Variants in CTNNA2 observed in about 807,000 individuals in gnomAD.
CTNNA2 encodes the protein catenin alpha-2.
In CTNNA2, 42 loss-of-function variants were observed where a neutral mutation model predicts 101.0. The observed-to-expected ratio is 0.42, with a 90% CI of 0.32 to 0.54. The LOEUF (loss-of-function observed/expected upper bound fraction) is 0.54. Among genes scored for constraint, CTNNA2 ranks in the 20% least tolerant of loss-of-function variants. CTNNA2 has a pLI of 0.14. For missense variants in CTNNA2, 871 were observed against 1,223.1 expected, an observed-to-expected ratio of 0.71 and a Z score of 4.29; for synonymous variants, 450 against 456.4, an observed-to-expected ratio of 0.99 and a Z score of 0.18.
At chr2:79,212,640 G>A (rs543727143) in intron 2 of CTNNA2, among the ~76,000 whole-genome samples, 17 of 152,262 alleles carry the variant, frequency 1.1e-4, no homozygotes, top group East Asian at 9.7e-4. Context: ...ATCGGACTGC[G>A]TAGAGGTGGG....
intron 11 of CTNNA2, among the ~76,000 whole-genome samples, chr2:80,554,585 A>AGG (rs1368655692): frequency 7.2e-5 from 11 of 152,268 alleles, no homozygotes; most frequent in Middle Eastern, 3.4e-3. Context: ...GGGTAGAAAG[A>AGG]GGGAGGGATC....
chr2:79,715,097 C>T (rs968870740), intron 2 of CTNNA2, among the ~76,000 whole-genome samples: 1 of 146,192 alleles, frequency 6.8e-6, no homozygotes, highest in African/African-American at 2.6e-5. Flanking sequence ...ATCCCAGGTA[C>T]TTGGGAGGCT....
At chr2:80,481,614 C>T (rs1686148818) in intron 9 of CTNNA2, among the ~76,000 whole-genome samples, 1 of 151,962 alleles carries the variant, frequency 6.6e-6, no homozygotes, top group Non-Finnish European at 1.5e-5. Flanking sequence ...CTTATTGGAC[C>T]CTCACCAGTC....
intron 4 of CTNNA2, among the ~76,000 whole-genome samples, chr2:79,503,174 T>A (rs1230411910): frequency 6.7e-6 from 1 of 148,940 alleles, no homozygotes; most frequent in Non-Finnish European, 1.5e-5. Context: ...AGCACCAACA[T>A]TTTTTTTATT....
chr2:80,381,803 A>G (rs1043514377), intron 7 of CTNNA2, among the ~76,000 whole-genome samples: 1 of 152,160 alleles, frequency 6.6e-6, no homozygotes, highest in Non-Finnish European at 1.5e-5. Flanking sequence ...TCCTTGTTCC[A>G]TTAAGGGTTC....
intron 3 of CTNNA2, among the ~76,000 whole-genome samples, chr2:79,760,688 C>A (rs1672730746): frequency 6.6e-6 from 1 of 152,184 alleles, no homozygotes. Flanking sequence ...AATAAACTAA[C>A]CATCACAATA....
At chr2:80,194,018 A>G (rs1017508366) in intron 7 of CTNNA2, among the ~76,000 whole-genome samples, 1 of 152,196 alleles carries the variant, frequency 6.6e-6, no homozygotes, top group African/African-American at 2.4e-5. Flanking sequence ...CACCTCTGGA[A>G]AATTACATTG....
intron 18 of CTNNA2, among the ~76,000 whole-genome samples, chr2:80,622,045 T>C (rs753170051): frequency 1.3e-5 from 2 of 151,942 alleles, no homozygotes; most frequent in Admixed American, 6.6e-5. Context: ...GCTGAAGATA[T>C]ATCTTGTGTT....
At chr2:80,574,879 G>A (rs960016444) in intron 13 of CTNNA2, among the ~76,000 whole-genome samples, 3 of 152,024 alleles carry the variant, frequency 2.0e-5, no homozygotes, top group Non-Finnish European at 4.4e-5. Flanking sequence ...CTTCCAAAAT[G>A]TTGTCTAAAT....
chr2:79,644,291 G>T lies in CTNNA2; in HGVS notation c.-5-7261G>T, dbSNP rs543833118. 3.0e-4 allele frequency among the ~76,000 whole-genome samples: 46 copies of T among 152,198 alleles called. No homozygotes were observed. In the South Asian group the frequency reaches 3.9e-3, roughly 13 times the overall value. ...CTGACCTTGTGATCCTCCCAGCTCG[G>T]TCTCCCAAAGTGCTGGGATTACAGG... On this transcript the variant is annotated intron_variant, in intron 1 of 18. Transcript: ENST00000402739.
intron 7 of CTNNA2, among the ~76,000 whole-genome samples, chr2:79,966,623 A>C (rs545807874): frequency 1.3e-5 from 2 of 152,140 alleles, no homozygotes; most frequent in Non-Finnish European, 2.9e-5. Context: ...GAAGGAAAAA[A>C]GCTGGGAAGA....
intron 7 of CTNNA2, among the ~76,000 whole-genome samples, chr2:80,373,453 G>A (rs1675640222): frequency 6.6e-6 from 1 of 152,092 alleles, no homozygotes; most frequent in African/African-American, 2.4e-5. Context: ...AATACTTCAA[G>A]TTTCTTAATC....
chr2:80,626,961 G>A (rs934342636), intron 18 of CTNNA2, among the ~76,000 whole-genome samples: 1 of 152,064 alleles, frequency 6.6e-6, no homozygotes, highest in African/African-American at 2.4e-5. Context: ...AGAATGTGCG[G>A]TGTTTGGTTT....
chr2:79,507,559 A>G (rs1362668843), intron 5 of CTNNA2, among the ~76,000 whole-genome samples: 2 of 152,160 alleles, frequency 1.3e-5, no homozygotes, highest in Non-Finnish European at 2.9e-5. Context: ...TTACAGAACC[A>G]TGAGCCAAAT....
At chr2:80,391,518 A>G (rs1025784644) in intron 7 of CTNNA2, among the ~76,000 whole-genome samples, 2 of 152,248 alleles carry the variant, frequency 1.3e-5, no homozygotes, top group African/African-American at 4.8e-5. Flanking sequence ...TAATAAATGA[A>G]TAGGCCACAG....
intron 2 of CTNNA2, among the ~76,000 whole-genome samples, chr2:79,217,138 G>A (rs1309700518): frequency 1.3e-5 from 2 of 152,190 alleles, no homozygotes; most frequent in African/African-American, 2.4e-5. Context: ...GGTTGGAGAA[G>A]AGAGTAAGAA....
At chr2:79,378,966 G>A (rs1370719186) in intron 4 of CTNNA2, among the ~76,000 whole-genome samples, 1 of 152,120 alleles carries the variant, frequency 6.6e-6, no homozygotes, top group Non-Finnish European at 1.5e-5. Context: ...AGGTGGACTA[G>A]ATAGCACATC....
intron 7 of CTNNA2, among the ~76,000 whole-genome samples, chr2:80,320,612 A>C (rs1678586153): frequency 6.6e-6 from 1 of 152,142 alleles, no homozygotes; most frequent in African/African-American, 2.4e-5. Flanking sequence ...GCAACCTTAA[A>C]AATTTACTTG....
chr2:80,608,379 T>A (rs1016104383), intron 17 of CTNNA2, 61 bp downstream of exon 17: 4 of 1,568,448 alleles, frequency 2.6e-6, no homozygotes, highest in Non-Finnish European at 3.5e-6. Flanking sequence ...AAGGCAAACA[T>A]TCTTGGCAAC....
Sources: gnomAD v4.1 joint callset for allele counts (sites outside exome capture counted in the v4.1 genomes callset) on GRCh38, gnomAD v4.1.1 for gene constraint, MANE v1.5 for transcripts, NCBI Gene and HGNC (gene_info 2026-07-23, HGNC 2026-07-21) for gene names.